MYT1L: variants seen among roughly 807,000 people sequenced by gnomAD.
The protein encoded by MYT1L is myelin transcription factor 1 like.
In MYT1L, 12 loss-of-function variants were observed where a neutral mutation model predicts 126.7. The ratio of observed to expected loss-of-function variants is 0.09; its 90% CI spans 0.06 to 0.15. MYT1L has a LOEUF of 0.15. Ranked by LOEUF, MYT1L falls within the 10% of genes least tolerant of loss-of-function variation. The probability of loss-of-function intolerance (pLI) is 1.00; values close to 1 mark genes in which losing one functional copy is unlikely to be tolerated. For missense variants in MYT1L, 979 were observed against 1,585.2 expected (o/e 0.62, Z 6.49); for synonymous variants, 541 against 604.2 (o/e 0.90, Z 1.53).
chr2:1,973,853 C>T (rs898344956), intron 8 of MYT1L, among the ~76,000 whole-genome samples: 9 of 152,206 alleles, frequency 5.9e-5, no homozygotes, highest in African/African-American at 1.7e-4. Flanking sequence ...GCCTCCCACA[C>T]CAATGCAGCG....
intron 2 of MYT1L, among the ~76,000 whole-genome samples, chr2:2,240,052 C>A (rs563331941): frequency 3.3e-5 from 5 of 152,310 alleles, no homozygotes; most frequent in East Asian, 1.9e-4. Context: ...AATCCCAGCA[C>A]TTTTGGAGGC....
chr2:1,913,721 C>T (rs1228230639), intron 11 of MYT1L, among the ~76,000 whole-genome samples: 2 of 152,120 alleles, frequency 1.3e-5, no homozygotes, highest in Admixed American at 6.5e-5. Flanking sequence ...ACGGGGGTCA[C>T]TCTGACCTGA....
intron 2 of MYT1L, among the ~76,000 whole-genome samples, chr2:2,208,281 T>C (rs1423932965): frequency 6.6e-6 from 1 of 152,048 alleles, no homozygotes; most frequent in Non-Finnish European, 1.5e-5. Context: ...CTTGTGATAC[T>C]CTGTTTTAAA....
chr2:1,968,495 C>T (rs78299137), intron 8 of MYT1L, among the ~76,000 whole-genome samples: 1,891 of 152,302 alleles, frequency 0.012, 48 homozygotes, highest in African/African-American at 0.044. Context: ...TCAAGTAGTG[C>T]ATTAGATAAT....
intron 1 of MYT1L, among the ~76,000 whole-genome samples, chr2:2,314,935 C>T (rs1159595417): frequency 1.3e-5 from 2 of 152,146 alleles, no homozygotes; most frequent in Non-Finnish European, 2.9e-5. Context: ...GAAAGGATTC[C>T]CTACTTAGTA....
intron 2 of MYT1L, among the ~76,000 whole-genome samples, chr2:2,241,592 T>A (rs377491644): frequency 2.0e-4 from 31 of 152,340 alleles, no homozygotes; most frequent in African/African-American, 7.2e-4. Flanking sequence ...GATACAGGAA[T>A]CCAAATGCGT....
chr2:2,039,349 G>A (rs970715285), intron 4 of MYT1L, among the ~76,000 whole-genome samples: 3 of 151,614 alleles, frequency 2.0e-5, no homozygotes, highest in East Asian at 1.9e-4. Flanking sequence ...GCTACAGTGC[G>A]CTATGATTGC....
chr2:2,145,286 G>A (rs1575474300), intron 3 of MYT1L, among the ~76,000 whole-genome samples: 1 of 152,194 alleles, frequency 6.6e-6, no homozygotes, highest in Non-Finnish European at 1.5e-5. Flanking sequence ...ATGGCCGTCT[G>A]GGGCATAGAA....
In MYT1L at chr2:1,923,168, C is replaced by T; in HGVS notation, c.601G>A (p.Val201Met). ...CCGAGGTTTAACAATGACTTGGCCA[C>T]CAGTTCATCGTAATTGTCATATTCG... Reference protein sequence around the residue: ...NDEYDNYDELVAKSLLNLGKI... With the variant: ...NDEYDNYDELMAKSLLNLGKI... Residue 201 changes from valine (V) to methionine (M), a missense_variant, in exon 10 of 25, where the codon GTG becomes ATG. Coordinates refer to ENST00000647738, the MANE Select transcript of MYT1L (RefSeq NM_001303052.2). 1 of 1,614,008 alleles carries T rather than the reference C, an allele frequency of 6.2e-7. No individual in the cohort carries two copies. The highest frequency in any genetic ancestry group is 8.5e-7 in the Non-Finnish European group (1 of 1,179,892).
chr2:2,272,522 C>G (rs974127751), intron 2 of MYT1L, among the ~76,000 whole-genome samples: 12 of 152,180 alleles, frequency 7.9e-5, no homozygotes, highest in Admixed American at 2.6e-4. Flanking sequence ...AACAAACTGG[C>G]CTCTCAGGGG....
chr2:1,977,850 T>G (rs1186674729), intron 8 of MYT1L, among the ~76,000 whole-genome samples: 5 of 152,214 alleles, frequency 3.3e-5, no homozygotes, highest in African/African-American at 4.8e-5. Flanking sequence ...ACTTTTAGAT[T>G]AAATGCTGAC....
chr2:1,972,665 A>T (rs1327713182), intron 8 of MYT1L, among the ~76,000 whole-genome samples: 1 of 152,188 alleles, frequency 6.6e-6, no homozygotes, highest in African/African-American at 2.4e-5. Context: ...TCAGGAAGCA[A>T]GCCCTTGACT....
intron 3 of MYT1L, among the ~76,000 whole-genome samples, chr2:2,094,210 C>A (rs1339772862): frequency 6.6e-6 from 1 of 152,174 alleles, no homozygotes; most frequent in African/African-American, 2.4e-5. Context: ...AAATCAAAAC[C>A]ACTATGAGAT....
intron 19 of MYT1L, among the ~76,000 whole-genome samples, chr2:1,845,386 T>C (rs1271347414): frequency 6.6e-6 from 1 of 152,180 alleles, no homozygotes; most frequent in Non-Finnish European, 1.5e-5. Flanking sequence ...CCTCCTTTGC[T>C]CACCTGAATA....
rs1253331353 is a variant in MYT1L at position 1,803,966 on chromosome 2, C to G, written c.3173-2167G>C. Among the ~76,000 whole-genome samples, 3 of 152,318 alleles carry G rather than the reference C, an allele frequency of 2.0e-5. No homozygotes were observed. The East Asian group carries it at 5.8e-4, about 29-fold the overall frequency. ...CACGTGCGCCTCGGCGTGAAGCCCC[C>G]TCAGGGAGAGGAGAGCTCTGGGTTG... On this transcript the variant is annotated intron_variant, in intron 22 of 24. Coordinates refer to ENST00000647738, the MANE Select transcript of MYT1L (RefSeq NM_001303052.2).
chr2:2,183,358 A>C lies in MYT1L; in HGVS notation c.-420-10370T>G, dbSNP rs1265631214. On this transcript the variant is annotated intron_variant, in intron 2 of 24. Coordinates refer to ENST00000647738, the MANE Select transcript of MYT1L (RefSeq NM_001303052.2). ...CTGCTCACCTCTGTGCAGGGAGAAT[A>C]AGTTCCCACGGGAGGGGAGGAGAGA... is the stretch of plus-strand genomic sequence containing the variant. Among the ~76,000 whole-genome samples, 3 of 152,182 alleles carry C rather than the reference A, an allele frequency of 2.0e-5. No homozygotes were observed. In the East Asian group the frequency reaches 5.8e-4, roughly 30 times the overall value.
chr2:1,830,454 CA>C (rs1367899649), intron 21 of MYT1L, among the ~76,000 whole-genome samples: 27 of 146,228 alleles, frequency 1.8e-4, no homozygotes, highest in Admixed American at 6.0e-4. Context: ...GGAGGCATCA[CA>C]TGGCAGATGG....
intron 3 of MYT1L, among the ~76,000 whole-genome samples, chr2:2,097,678 G>C (rs566311604): frequency 1.3e-5 from 2 of 152,276 alleles, no homozygotes; most frequent in Admixed American, 1.3e-4. Context: ...CACAGCGATC[G>C]AGAGGAGGGC....
chr2:2,217,363 G>A (rs2148951413), intron 2 of MYT1L, among the ~76,000 whole-genome samples: 1 of 152,180 alleles, frequency 6.6e-6, no homozygotes, highest in South Asian at 2.1e-4. Flanking sequence ...GTCAACCAAT[G>A]TAACTTGTGA....
Sources: allele counts gnomAD v4.1 joint callset (sites outside exome capture counted in the v4.1 genomes callset), GRCh38; gene constraint gnomAD v4.1.1; transcripts MANE v1.5; gene names NCBI Gene and HGNC (gene_info 2026-07-23, HGNC 2026-07-21).